Variants in ITPKC observed in about 807,000 individuals in gnomAD.
ITPKC encodes the protein IP3 3-kinase C.
ITPKC carries 33 observed loss-of-function variants against 67.1 expected under a neutral mutation model. The ratio of observed to expected loss-of-function variants is 0.49; its 90% confidence interval spans 0.37 to 0.66. The LOEUF is 0.66. Ranked by LOEUF, ITPKC falls within the 30% of genes least tolerant of loss-of-function variation. ITPKC has a pLI of 0.00. For missense variants in ITPKC, 820 were observed against 892.1 expected (o/e 0.92, Z 1.03); for synonymous variants, 341 against 359.8 (o/e 0.95, Z 0.59).
At chr19:40,736,315 C>G (rs771750300) in intron 4 of ITPKC, among the ~76,000 whole-genome samples, 2 of 151,934 alleles carry the variant, frequency 1.3e-5, no homozygotes, top group East Asian at 3.9e-4. Context: ...AGCAGAGTCA[C>G]GATTCACAGC....
At chr19:40,731,288 A>G (rs554863958) in intron 3 of ITPKC, among the ~76,000 whole-genome samples, 1 of 152,298 alleles carries the variant, frequency 6.6e-6, no homozygotes, top group Admixed American at 6.5e-5. Flanking sequence ...GGCGAACCCT[A>G]TTGTGAACTG....
Position 40,740,523 on chromosome 19 carries a change from T to TGGGGCTGCCAGCCAGGACCC in ITPKC, c.*964_*983dup, listed in dbSNP as rs2082322472. The TGGGGCTGCCAGCCAGGACCC allele has an allele frequency of 9.5e-6, 2 of 211,382 alleles. No individual in the cohort carries two copies. The highest frequency in any genetic ancestry group is 4.6e-5 in the African/African-American group (2 of 43,292). The allele number at this position is 211,382 out of a possible 1,614,324, so 13.1% of individuals were successfully genotyped here. A position where few individuals can be genotyped will look rare whatever the true frequency, so the allele number is the denominator to read the frequency against. ...GTGTGTGTCAGAGGCGCAGGGTGGG[T>TGGGGCTGCCAGCCAGGACCC]GGGGCTGCCAGCCAGGACCCTGGCC... is the stretch of plus-strand genomic sequence containing the variant. On this transcript the variant is annotated 3_prime_UTR_variant, in exon 7 of 7. Coordinates refer to ENST00000263370, the MANE Select transcript of ITPKC (RefSeq NM_025194.3).
At chr19:40,731,281 G>A (rs1478793682) in intron 3 of ITPKC, among the ~76,000 whole-genome samples, 1 of 152,172 alleles carries the variant, frequency 6.6e-6, no homozygotes, top group Non-Finnish European at 1.5e-5. Context: ...TCTGGAGGGC[G>A]AACCCTATTG....
In ITPKC at chr19:40,733,196, AC is replaced by A; in HGVS notation, c.1507del (p.Arg503ValfsTer42). The A allele has an allele frequency of 6.2e-7, 1 of 1,614,208 alleles. No homozygotes were observed. The highest frequency in any genetic ancestry group is 8.5e-7 in the Non-Finnish European group (1 of 1,180,028). On this transcript the variant is annotated frameshift_variant, in exon 4 of 7. Transcript: ENST00000263370. LOFTEE classifies it high-confidence loss of function. ...LEEELVKARERPRPRKDMYEK... is the reference protein window; with the variant it reads ...LEEELVKAREXPRPRKDMYEK... ...AAGAGGAGCTAGTGAAGGCACGGGAACGTCCCCGTCCCCGGAAGGACATGTA... is the reference window on the plus strand; with the variant it reads ...AAGAGGAGCTAGTGAAGGCACGGGAAGTCCCCGTCCCCGGAAGGACATGTA...
In ITPKC at chr19:40,717,747, C is replaced by T; in HGVS notation, c.612C>T (p.Leu204=). Residue 204 remains leucine (L), a synonymous_variant, in exon 1 of 7, where the codon CTC becomes CTT. Transcript: ENST00000263370. ...GGACCCACCAGAACAGTTCCAGCCTCCAGACTCACCCAGAAGGAGCCTGTC... is the reference window on the plus strand; with the variant it reads ...GGACCCACCAGAACAGTTCCAGCCTTCAGACTCACCCAGAAGGAGCCTGTC... ...NLWTHQNSSS[L]QTHPEGACPS... 6.2e-7 allele frequency: 1 copy of T among 1,613,826 alleles called. No homozygotes were observed. The highest frequency in any genetic ancestry group is 1.1e-5 in the South Asian group (1 of 91,050).
rs771332365 is a variant in ITPKC at position 40,717,825 on chromosome 19, C to T, written c.690C>T (p.Gly230=). The change falls in exon 1 of 7, where the codon GGC becomes GGT. Residue 230 remains glycine (G), a synonymous_variant. Coordinates refer to ENST00000263370, the MANE Select transcript of ITPKC (RefSeq NM_025194.3). ...DGSWKELYTD[G]SRTQQDIEGP... ...CCTGGAAAGAATTGTATACTGATGGCTCCAGGACACAACAGGATATTGAAG... is the reference window on the plus strand; with the variant it reads ...CCTGGAAAGAATTGTATACTGATGGTTCCAGGACACAACAGGATATTGAAG... The T allele has an allele frequency of 3.7e-6, 6 of 1,613,978 alleles. No homozygotes were observed. Among genetic ancestry groups the T allele is most frequent in the South Asian group, 2.2e-5 (2 of 91,086 alleles).
intron 4 of ITPKC, among the ~76,000 whole-genome samples, chr19:40,734,591 C>T (rs957405582): frequency 3.3e-5 from 5 of 151,606 alleles, no homozygotes; most frequent in Admixed American, 1.3e-4. Flanking sequence ...AGGATCTAGC[C>T]TCTTCTCTCT....
At position 40,733,071 on chromosome 19, in the gene ITPKC, C is replaced by T. The variant is rs956865180; in HGVS notation, c.1470-89C>T. On this transcript the variant is annotated intron_variant, in intron 3 of 6. Coordinates refer to ENST00000263370, the MANE Select transcript of ITPKC (RefSeq NM_025194.3). ...CATTGATTTGCCCATTCTTGTGCCA[C>T]ACTGTGGCTTTATGTCTTAATATCA... 4 of 1,105,150 alleles carry T rather than the reference C, an allele frequency of 3.6e-6. No individual in the cohort carries two copies. In the African/African-American group the frequency reaches 6.2e-5, roughly 17 times the overall value. The allele number at this position is 1,105,150 out of a possible 1,614,324, so 68.5% of individuals were successfully genotyped here. A position where few individuals can be genotyped will look rare whatever the true frequency, so the allele number is the denominator to read the frequency against.
chr19:40,729,250 A>C lies in ITPKC; in HGVS notation c.1304A>C (p.Gln435Pro). ...GGTCGGATTCTGAAACGTTTCTGTC[A>C]GTGTGAGCAGCGCAGCCTGGAGCAG... Reference protein sequence around the residue: ...EDGRILKRFCQCEQRSLEQLM... With the variant: ...EDGRILKRFCPCEQRSLEQLM... Residue 435 changes from glutamine to proline, a missense_variant, in exon 3 of 7, where the codon CAG becomes CCG. Gln to Pro is a moderately conservative substitution (Grantham distance 76, BLOSUM62 -1). Coordinates refer to ENST00000263370, the MANE Select transcript of ITPKC (RefSeq NM_025194.3). 6.2e-7 allele frequency: 1 copy of C among 1,614,160 alleles called. No individual in the cohort carries two copies. Among genetic ancestry groups the C allele is most frequent in the South Asian group, 1.1e-5 (1 of 91,092 alleles).
intron 4 of ITPKC, 135 bp downstream of exon 4, chr19:40,733,499 T>C (rs1481780750): frequency 2.6e-6 from 2 of 768,130 alleles, no homozygotes; most frequent in Non-Finnish European, 4.1e-6. Context: ...AAGCCCAGCC[T>C]CTTTCTTACC....
At chr19:40,727,780 A>C (rs138309230) in intron 2 of ITPKC, among the ~76,000 whole-genome samples, 1 of 152,170 alleles carries the variant, frequency 6.6e-6, no homozygotes, top group East Asian at 1.9e-4. Flanking sequence ...TCTGCCATAA[A>C]CCGTCCCATA....
At chr19:40,732,400 G>T (rs1038160421) in intron 3 of ITPKC, among the ~76,000 whole-genome samples, 6 of 148,584 alleles carry the variant, frequency 4.0e-5, no homozygotes, top group Admixed American at 6.7e-5. Flanking sequence ...TGTGGTGGCG[G>T]GCACCTGTAA....
At chr19:40,732,826 C>G (rs1372926879) in intron 3 of ITPKC, among the ~76,000 whole-genome samples, 1 of 152,196 alleles carries the variant, frequency 6.6e-6, no homozygotes, top group Admixed American at 6.5e-5. Flanking sequence ...TTTTCTTCTA[C>G]AAGCTTTATT....
At chr19:40,725,952 AAAG>A (rs1274999376) in intron 2 of ITPKC, among the ~76,000 whole-genome samples, 1 of 151,988 alleles carries the variant, frequency 6.6e-6, no homozygotes, top group African/African-American at 2.4e-5. Context: ...AAAAAAAAAA[AAAG>A]ATTGGCTGGG....
At chr19:40,733,412 G>C in intron 4 of ITPKC, 48 bp downstream of exon 4, 1 of 1,532,654 alleles carries the variant, frequency 6.5e-7, no homozygotes, top group Non-Finnish European at 8.8e-7. Flanking sequence ...CCTATAGCCA[G>C]ATCCCAGGCA....
In ITPKC at chr19:40,739,514, G is replaced by A. The variant is rs1379467655; in HGVS notation, c.2006G>A (p.Gly669Asp). ...EGNREDGYLWGLDNMICLLQG... is the reference protein window; with the variant it reads ...EGNREDGYLWDLDNMICLLQG... ...AACCGTGAGGACGGCTACCTCTGGG[G>A]CCTGGACAACATGATCTGCCTCCTG... The change falls in exon 7 of 7, where the codon GGC becomes GAC. Residue 669 changes from glycine (G) to aspartate (D), a missense_variant. Physicochemically the swap from Gly to Asp is moderately conservative, Grantham distance 94. Around this residue, in one of 2 missense-constraint regions of ITPKC, gnomAD observed 339 missense variants for 422.0 expected, o/e 0.80. Coordinates refer to ENST00000263370, the MANE Select transcript of ITPKC (RefSeq NM_025194.3). The A allele has an allele frequency of 6.2e-7, 1 of 1,613,794 alleles. No homozygotes were observed. Among genetic ancestry groups the A allele is most frequent in the Admixed American group, 1.7e-5 (1 of 60,014 alleles).
In ITPKC at chr19:40,739,396, G is replaced by A. The variant is rs138927292; in HGVS notation, c.1888G>A (p.Gly630Ser). ...CCTCCTCTTCGTGCACGACCACACC[G>A]GCCTGGCCAAGGTCTGGATGATAGA... Reference protein sequence around the residue: ...SSLLFVHDHTGLAKVWMIDFG... With the variant: ...SSLLFVHDHTSLAKVWMIDFG... Residue 630 changes from glycine (G) to serine (S), a missense_variant, in exon 7 of 7, where the codon GGC becomes AGC. Transcript: ENST00000263370. 12 of 1,613,748 alleles carry A rather than the reference G, an allele frequency of 7.4e-6. No homozygotes were observed. Among genetic ancestry groups the A allele is most frequent in the South Asian group, 5.5e-5 (5 of 91,084 alleles).
At chr19:40,727,099 C>G (rs918010195) in intron 2 of ITPKC, among the ~76,000 whole-genome samples, 4 of 152,080 alleles carry the variant, frequency 2.6e-5, no homozygotes, top group Non-Finnish European at 5.9e-5. Flanking sequence ...CTTTGGGAGG[C>G]CAAGGCAGGC....
intron 1 of ITPKC, among the ~76,000 whole-genome samples, chr19:40,718,844 G>C (rs1489683701): frequency 6.6e-6 from 1 of 152,166 alleles, no homozygotes; most frequent in Non-Finnish European, 1.5e-5. Context: ...AGGGCTGTGT[G>C]ACCCCAAACG....
Sources: gnomAD v4.1 joint callset for allele counts (sites outside exome capture counted in the v4.1 genomes callset) on GRCh38, gnomAD v4.1.1 for gene constraint, gnomAD v4.1.1 regional missense constraint, MANE v1.5 for transcripts, NCBI Gene and HGNC (gene_info 2026-07-23, HGNC 2026-07-21) for gene names.